UPF3B: variants seen among roughly 807,000 people sequenced by gnomAD.
UPF3B encodes UPF3B regulator of nonsense mediated mRNA decay, also known as regulator of nonsense transcripts 3B.
Under a neutral mutation model 40.3 loss-of-function variants are expected in UPF3B, and 7 were observed. The ratio of observed to expected loss-of-function variants is 0.17; its 90% CI spans 0.10 to 0.33. The LOEUF (loss-of-function observed/expected upper bound fraction) is 0.33, where lower values mean the gene tolerates loss of function less well. Among genes scored for constraint, UPF3B ranks in the 10% least tolerant of loss-of-function variants. The pLI, the probability that UPF3B is intolerant of heterozygous loss-of-function variation, is 1.00. For synonymous variants in UPF3B, 117 were observed against 117.3 expected, an observed-to-expected ratio of 1.00 and a Z score of 0.01; for missense variants, 229 against 358.9, an observed-to-expected ratio of 0.64 and a Z score of 2.93.
intron 5 of UPF3B, 42 bp downstream of exon 5, chrX:119,843,149 G>T: frequency 1.1e-6 from 1 of 910,495 alleles, no homozygotes; most frequent in Non-Finnish European, 1.6e-6. Context: ...CTTAGGTACT[G>T]TGATGAAAAG....
chrX:119,821,797 C>CAA (rs759266262), intron 4 of UPF3B, among the ~76,000 whole-genome samples: 1,708 of 90,706 alleles, frequency 0.019, 47 homozygotes, highest in African/African-American at 0.063. Context: ...AACTCTGTCT[C>CAA]AAAAAAAAAA....
chrX:119,830,546 A>G (rs2428228), downstream of UPF3B, among the ~76,000 whole-genome samples: 5,897 of 110,675 alleles, frequency 0.053, 348 homozygotes, highest in African/African-American at 0.18. Context: ...ACTGTGACCC[A>G]ATTAAACCTC....
At position 119,834,900 on chromosome X, in the gene UPF3B, C is replaced by G; in HGVS notation, c.1430G>C (p.Arg477Thr). The G allele has an allele frequency of 8.3e-7, 1 of 1,211,822 alleles. No individual in the cohort carries two copies. Among genetic ancestry groups the G allele is most frequent in the Non-Finnish European group, 1.1e-6 (1 of 895,608 alleles). ...TTATCACTCCTCTCCTCCTTCTTTT[C>G]TATGGCTAATACCACTTTCCTGCTT... Reference protein sequence around the residue: ...ERKQESGISHRKEGGEE With the variant: ...ERKQESGISHTKEGGEE Residue 477 changes from arginine to threonine, a missense_variant, in exon 11 of 11, where the codon AGA (arginine) becomes ACA (threonine). Arg to Thr is a moderately conservative substitution (Grantham distance 71). Around this residue, in one of 3 missense-constraint regions of UPF3B, gnomAD observed 119 missense variants for 153.8 expected, o/e 0.77. Transcript: ENST00000276201.
Position 119,836,943 on chromosome X carries a change from C to A in UPF3B, c.1302+814G>T, listed in dbSNP as rs185661246. Among the ~76,000 whole-genome samples the A allele has an allele frequency of 2.4e-3, 257 of 106,451 alleles. 1 individual carries two copies. Among genetic ancestry groups the A allele is most frequent in the African/African-American group, 8.6e-3 (250 of 29,163 alleles). The allele number at this position is 106,451 out of a possible 115,157, so 92.4% of individuals were successfully genotyped here. A position where few individuals can be genotyped will look rare whatever the true frequency, so the allele number is the denominator to read the frequency against. ...GGGATTACAGGCGTGAGCCACCGCG[C>A]CCGGCCAGTTTTTTTTTTGAGACTG... On this transcript the variant is annotated intron_variant, in intron 10 of 10. Coordinates refer to ENST00000276201, the MANE Select transcript of UPF3B (RefSeq NM_080632.3).
chrX:119,842,597 C>CAT (rs769218989), intron 5 of UPF3B, among the ~76,000 whole-genome samples: 7 of 57,023 alleles, frequency 1.2e-4, no homozygotes, highest in Admixed American at 9.7e-4. Context: ...CACACACACA[C>CAT]ACACACATAC....
At chrX:119,844,885 G>A (rs1403375388) in intron 4 of UPF3B, among the ~76,000 whole-genome samples, 46 of 112,274 alleles carry the variant, frequency 4.1e-4, no homozygotes, top group Non-Finnish European at 1.3e-4. Flanking sequence ...TTATAGGCGT[G>A]AGCCACCACG....
At chrX:119,842,139 G>T (rs927304763) in intron 5 of UPF3B, among the ~76,000 whole-genome samples, 1 of 111,569 alleles carries the variant, frequency 9.0e-6, no homozygotes, top group Non-Finnish European at 1.9e-5. Context: ...TAATCCTTTT[G>T]ACCCCATAAT....
chrX:119,852,661 G>A, intron 1 of UPF3B, 112 bp downstream of exon 1: 1 of 1,101,715 alleles, frequency 9.1e-7, no homozygotes, highest in Non-Finnish European at 1.2e-6. Flanking sequence ...CCATTCAGGC[G>A]AAGAGATAGA....
At chrX:119,847,180 G>A (rs890321874) in intron 3 of UPF3B, among the ~76,000 whole-genome samples, 1 of 112,161 alleles carries the variant, frequency 8.9e-6, no homozygotes, top group African/African-American at 3.2e-5. Context: ...TGGTGGGAAT[G>A]TAAAATGATG....
At chrX:119,838,125 G>C in intron 9 of UPF3B, 74 bp from the exon 10 acceptor site, 1 of 1,160,674 alleles carries the variant, frequency 8.6e-7, no homozygotes, top group Non-Finnish European at 1.2e-6. Context: ...CTGTGATTCT[G>C]ATTTGGCCCC....
At chrX:119,818,423 A>T (rs750325242) in intron 4 of UPF3B, among the ~76,000 whole-genome samples, 1 of 111,650 alleles carries the variant, frequency 9.0e-6, no homozygotes, top group East Asian at 2.8e-4. Context: ...TCTAATAAAA[A>T]TACAAAAATT....
At chrX:119,828,699 G>A (rs779211629) in intron 3 of UPF3B, among the ~76,000 whole-genome samples, 50 of 109,014 alleles carry the variant, frequency 4.6e-4, no homozygotes, top group Non-Finnish European at 8.6e-4. Context: ...TCTCCTTATA[G>A]GAACTTACTG....
At chrX:119,837,569 T>C (rs1377228169) in intron 10 of UPF3B, among the ~76,000 whole-genome samples, 188 bp downstream of exon 10, 1 of 105,065 alleles carries the variant, frequency 9.5e-6, no homozygotes, top group Non-Finnish European at 2.0e-5. Context: ...TGAGCCGAGA[T>C]TGTGCCACTG....
chrX:119,843,362 T>A, intron 4 of UPF3B, 61 bp from the exon 5 acceptor site: 1 of 787,560 alleles, frequency 1.3e-6, no homozygotes, highest in Non-Finnish European at 1.9e-6. Context: ...AAGAAGACAT[T>A]ATCTACAATA....
downstream of UPF3B, chrX:119,831,812 A>C (rs1199487788): frequency 1.9e-6 from 1 of 513,679 alleles, no homozygotes; most frequent in Non-Finnish European, 2.4e-6. Flanking sequence ...AAGCTTTTAC[A>C]TGGGATTTTC....
chrX:119,842,668 A>G (rs113720838), intron 5 of UPF3B, among the ~76,000 whole-genome samples: 24 of 110,050 alleles, frequency 2.2e-4, no homozygotes, highest in Non-Finnish European at 4.0e-4. Context: ...AAAAAAACAA[A>G]CAAACAAACA....
At chrX:119,844,710 T>A (rs772122015) in intron 4 of UPF3B, among the ~76,000 whole-genome samples, 1 of 110,827 alleles carries the variant, frequency 9.0e-6, no homozygotes, top group African/African-American at 3.3e-5. Context: ...TTCAAGAGAT[T>A]CTCCTGCCTC....
chrX:119,846,505 T>TAAAA (rs780880120), intron 3 of UPF3B, among the ~76,000 whole-genome samples: 1 of 58,084 alleles, frequency 1.7e-5, no homozygotes. Context: ...TCGAGCCTGG[T>TAAAA]AAAAAAAAAA....
At chrX:119,830,307 G>A (rs1381681016), downstream of UPF3B, among the ~76,000 whole-genome samples, 2 of 110,948 alleles carry the variant, frequency 1.8e-5, no homozygotes, top group East Asian at 2.8e-4. Context: ...CTGGTGGGGT[G>A]TTGGGGTTAT....
Sources: gnomAD v4.1 joint callset for allele counts (sites outside exome capture counted in the v4.1 genomes callset) on GRCh38, gnomAD v4.1.1 for gene constraint, gnomAD v4.1.1 regional missense constraint, MANE v1.5 for transcripts, NCBI Gene and HGNC (gene_info 2026-07-23, HGNC 2026-07-21) for gene names.